The following LRCH1 variants were observed in gnomAD, a reference collection of about 807,000 sequenced individuals.
The protein encoded by LRCH1 is leucine-rich repeat and calponin homology domain-containing protein 1.
LRCH1 carries 23 observed loss-of-function variants against 94.9 expected under a neutral mutation model. That is an observed-to-expected ratio of 0.24 (90% CI 0.17 to 0.34). LRCH1 has a LOEUF of 0.34. Among genes scored for constraint, LRCH1 ranks in the 10% least tolerant of loss-of-function variants. LRCH1 has a pLI of 1.00. For synonymous variants in LRCH1, 364 were observed against 354.9 expected, an observed-to-expected ratio of 1.03 and a Z score of -0.29; for missense variants, 790 against 945.9, an observed-to-expected ratio of 0.84 and a Z score of 2.16.
intron 1 of LRCH1, among the ~76,000 whole-genome samples, chr13:46,608,796 C>A (rs1302596709): frequency 6.6e-6 from 1 of 152,148 alleles, no homozygotes; most frequent in Non-Finnish European, 1.5e-5. Flanking sequence ...AAATAGATTT[C>A]TTTTTCATGT....
At chr13:46,698,298 GC>G (rs1438014860) in intron 9 of LRCH1, among the ~76,000 whole-genome samples, 3 of 152,200 alleles carry the variant, frequency 2.0e-5, no homozygotes, top group African/African-American at 7.2e-5. Flanking sequence ...GGGAAATGTG[GC>G]CCTATTCAGG....
At chr13:46,729,039 T>G in intron 18 of LRCH1, 55 bp downstream of exon 18, 1 of 1,535,598 alleles carries the variant, frequency 6.5e-7, no homozygotes, top group Non-Finnish European at 8.9e-7. Flanking sequence ...TAGGGGGCAC[T>G]GTTGTTGGTT....
At chr13:46,716,489 G>A (rs567596674) in intron 16 of LRCH1, among the ~76,000 whole-genome samples, 1 of 152,314 alleles carries the variant, frequency 6.6e-6, no homozygotes, top group Non-Finnish European at 1.5e-5. Flanking sequence ...CGAGTTAAGT[G>A]AAACAGAGAA....
chr13:46,643,809 G>T (rs192490900), intron 1 of LRCH1, among the ~76,000 whole-genome samples: 2 of 152,298 alleles, frequency 1.3e-5, no homozygotes, highest in African/African-American at 4.8e-5. Flanking sequence ...GAGTGTTTAT[G>T]TAAGGTTAAT....
chr13:46,712,788 T>C (rs1872136412), intron 15 of LRCH1, among the ~76,000 whole-genome samples, 191 bp downstream of exon 15: 1 of 152,222 alleles, frequency 6.6e-6, no homozygotes, highest in South Asian at 2.1e-4. Flanking sequence ...GTGTTATCAG[T>C]AGTGGATATT....
Position 46,692,551 on chromosome 13 carries a change from A to C in LRCH1, c.1030A>C (p.Thr344Pro). The change falls in exon 8 of 20, where the codon ACT becomes CCT. Residue 344 changes from threonine (T) to proline (P), a missense_variant. Around this residue, in one of 3 missense-constraint regions of LRCH1, gnomAD observed 194 missense variants for 293.5 expected, o/e 0.66. Coordinates refer to ENST00000389797, the MANE Select transcript of LRCH1 (RefSeq NM_001164211.2). ...LSATEPSDEDTVSLNVPMSNI... is the reference protein window; with the variant it reads ...LSATEPSDEDPVSLNVPMSNI... ...ATCTTTTTAGCCTTCTGACGAAGAC[A>C]CTGTTAGCCTCAATGTGCCAATGTC... 6.2e-7 allele frequency: 1 copy of C among 1,613,772 alleles called. No individual in the cohort carries two copies. The highest frequency in any genetic ancestry group is 2.2e-5 in the East Asian group (1 of 44,874).
chr13:46,568,109 A>T (rs761458205), intron 1 of LRCH1, among the ~76,000 whole-genome samples: 5 of 152,184 alleles, frequency 3.3e-5, no homozygotes, highest in Non-Finnish European at 7.3e-5. Context: ...TCACCTTTGG[A>T]TAAGAAAAGG....
downstream of LRCH1, among the ~76,000 whole-genome samples, chr13:46,747,713 G>A (rs1873967413): frequency 6.6e-6 from 1 of 151,996 alleles, no homozygotes; most frequent in Non-Finnish European, 1.5e-5. Flanking sequence ...GATTTGTTGA[G>A]CTTATGTGTC....
intron 1 of LRCH1, among the ~76,000 whole-genome samples, chr13:46,611,134 C>T (rs1030933498): frequency 1.3e-5 from 2 of 151,976 alleles, no homozygotes; most frequent in Non-Finnish European, 2.9e-5. Flanking sequence ...TGCTAGTGTC[C>T]CCGGTTGGTT....
chr13:46,720,469 T>G (rs1458167068), intron 16 of LRCH1, among the ~76,000 whole-genome samples: 1 of 151,970 alleles, frequency 6.6e-6, no homozygotes, highest in Non-Finnish European at 1.5e-5. Context: ...CTCACCCATC[T>G]TTTTTCTTAT....
At chr13:46,666,847 A>G (rs1233417270) in intron 2 of LRCH1, among the ~76,000 whole-genome samples, 1 of 152,178 alleles carries the variant, frequency 6.6e-6, no homozygotes, top group African/African-American at 2.4e-5. Context: ...TCCTCCAGCC[A>G]AAAGAGTCCC....
intron 3 of LRCH1, among the ~76,000 whole-genome samples, chr13:46,671,594 ACAAAAAATTT>A (rs1235930454): frequency 6.6e-6 from 1 of 152,222 alleles, no homozygotes; most frequent in East Asian, 1.9e-4. Context: ...GTTCTAGGAA[ACAAAAAATTT>A]CCTAGGTGAA....
intron 1 of LRCH1, among the ~76,000 whole-genome samples, chr13:46,594,674 G>C (rs1449828666): frequency 6.6e-6 from 1 of 152,168 alleles, no homozygotes; most frequent in Non-Finnish European, 1.5e-5. Context: ...ATTTGACGGG[G>C]CTGAATTAGT....
chr13:46,673,241 G>C (rs79334469), intron 3 of LRCH1, among the ~76,000 whole-genome samples: 1 of 151,956 alleles, frequency 6.6e-6, no homozygotes, highest in Non-Finnish European at 1.5e-5. Flanking sequence ...TCCTGGATTC[G>C]GCAGCTCCGT....
chr13:46,662,902 T>C (rs1425967957), intron 2 of LRCH1, among the ~76,000 whole-genome samples: 1 of 152,234 alleles, frequency 6.6e-6, no homozygotes, highest in Non-Finnish European at 1.5e-5. Flanking sequence ...TTTTGTTTTC[T>C]TGCTCTTCTC....
At chr13:46,638,522 G>A (rs2051120002) in intron 1 of LRCH1, among the ~76,000 whole-genome samples, 2 of 152,128 alleles carry the variant, frequency 1.3e-5, no homozygotes, top group African/African-American at 4.8e-5. Context: ...TCTACTTTAT[G>A]TTTAACACAA....
chr13:46,716,732 A>G (rs1431075148), intron 16 of LRCH1, among the ~76,000 whole-genome samples: 1 of 152,228 alleles, frequency 6.6e-6, no homozygotes, highest in African/African-American at 2.4e-5. Context: ...GTAGTTATAA[A>G]AAGAATTTTT....
chr13:46,654,830 TTATTTC>T (rs2051350885), intron 2 of LRCH1, among the ~76,000 whole-genome samples: 1 of 152,330 alleles, frequency 6.6e-6, no homozygotes. Context: ...AATTTTCCTC[TTATTTC>T]TATTAATTGA....
At chr13:46,686,952 A>ATTTCTTTTTTT (rs771856002) in intron 5 of LRCH1, among the ~76,000 whole-genome samples, 1 of 85,436 alleles carries the variant, frequency 1.2e-5, no homozygotes, top group African/African-American at 4.7e-5. Flanking sequence ...GAGTATATTG[A>ATTTCTTTTTTT]TTTTTTTTTT....
Sources: allele counts gnomAD v4.1 joint callset (sites outside exome capture counted in the v4.1 genomes callset), GRCh38; gene constraint gnomAD v4.1.1; regional missense constraint gnomAD v4.1.1; transcripts MANE v1.5; gene names NCBI Gene and HGNC (gene_info 2026-07-23, HGNC 2026-07-21).